Variants in DOCK9 observed in about 807,000 individuals in gnomAD.
The protein encoded by DOCK9 is dedicator of cytokinesis 9.
Under a neutral mutation model 263.3 loss-of-function variants are expected in DOCK9, and 89 were observed. That is an observed-to-expected ratio of 0.34 (90% CI 0.28 to 0.40). DOCK9 has a LOEUF of 0.40. Ranked by LOEUF, DOCK9 falls within the 10% of genes least tolerant of loss-of-function variation. The pLI is 1.00. For missense variants in DOCK9, 2,140 were observed against 2,603.4 expected, an observed-to-expected ratio of 0.82 and a Z score of 3.87; for synonymous variants, 976 against 973.1, an observed-to-expected ratio of 1.00 and a Z score of -0.06.
intron 1 of DOCK9, among the ~76,000 whole-genome samples, chr13:99,050,020 T>C (rs1226445683): frequency 6.6e-6 from 1 of 152,192 alleles, no homozygotes; most frequent in African/African-American, 2.4e-5. Context: ...ATATGATATG[T>C]GAAAATACTG....
intron 39 of DOCK9, among the ~76,000 whole-genome samples, chr13:98,836,744 CT>C (rs34971128): frequency 0.23 from 34,389 of 152,102 alleles, 4,582 homozygotes; most frequent in East Asian, 0.43. Flanking sequence ...TCTCATTATT[CT>C]TCCTAATAAA....
At chr13:98,993,277 C>T (rs552050624) in intron 1 of DOCK9, among the ~76,000 whole-genome samples, 111 of 152,256 alleles carry the variant, frequency 7.3e-4, no homozygotes, top group African/African-American at 2.6e-3. Context: ...TTACGGACCC[C>T]GTATGAGACT....
At chr13:98,859,181 G>A (rs544825196) in intron 33 of DOCK9, 2 of 152,412 alleles carry the variant, frequency 1.3e-5, no homozygotes, top group East Asian at 3.9e-4. Flanking sequence ...TTCTGGAGCA[G>A]TGGCTGGGAA....
chr13:98,898,028 C>T, intron 14 of DOCK9, 151 bp downstream of exon 14: 1 of 632,218 alleles, frequency 1.6e-6, no homozygotes, highest in Admixed American at 2.9e-5. Flanking sequence ...TGTGACTCTA[C>T]CAAATGATTT....
At chr13:98,869,322 G>T (rs1315675463) in intron 27 of DOCK9, among the ~76,000 whole-genome samples, 1 of 152,096 alleles carries the variant, frequency 6.6e-6, no homozygotes, top group African/African-American at 2.4e-5. Flanking sequence ...TTCAATTCTT[G>T]TAATACCCCT....
At chr13:99,046,087 T>G (rs1888978418) in intron 1 of DOCK9, among the ~76,000 whole-genome samples, 2 of 140,780 alleles carry the variant, frequency 1.4e-5, no homozygotes, top group Admixed American at 7.1e-5. Context: ...GGTGACAGAG[T>G]GAGACTCAGT....
intron 7 of DOCK9, among the ~76,000 whole-genome samples, chr13:98,917,618 C>T (rs1437532869): frequency 1.4e-5 from 2 of 147,348 alleles, no homozygotes; most frequent in Non-Finnish European, 3.0e-5. Flanking sequence ...CCCAAATATA[C>T]TTTCATGTAT....
intron 33 of DOCK9, chr13:98,858,032 T>C (rs2093750640): frequency 6.6e-6 from 1 of 152,008 alleles, no homozygotes; most frequent in Non-Finnish European, 1.5e-5. Context: ...TAAAGTAAAA[T>C]TAGGCCCTAA....
At chr13:99,081,955 G>T (rs1395274873) in intron 1 of DOCK9, among the ~76,000 whole-genome samples, 2 of 152,092 alleles carry the variant, frequency 1.3e-5, no homozygotes, top group Admixed American at 1.3e-4. Context: ...AGCAGCTTAG[G>T]GCTGGGTATG....
intron 7 of DOCK9, 67 bp downstream of exon 7, chr13:98,920,887 T>C: frequency 6.9e-7 from 1 of 1,450,498 alleles, no homozygotes; most frequent in Non-Finnish European, 9.2e-7. Context: ...TGCTTAAATC[T>C]GCTAATTTAC....
intron 1 of DOCK9, among the ~76,000 whole-genome samples, chr13:99,011,816 CT>C (rs1424480964): frequency 1.3e-5 from 2 of 152,130 alleles, no homozygotes; most frequent in East Asian, 1.9e-4. Context: ...TATCAGCATT[CT>C]TTTTTTGTTT....
At chr13:99,074,974 G>A (rs1664213727) in intron 1 of DOCK9, among the ~76,000 whole-genome samples, 1 of 152,196 alleles carries the variant, frequency 6.6e-6, no homozygotes, top group Admixed American at 6.5e-5. Context: ...AATCATTACA[G>A]TAGTACAATA....
intron 1 of DOCK9, among the ~76,000 whole-genome samples, chr13:99,053,867 C>T (rs1218677229): frequency 6.6e-6 from 1 of 152,164 alleles, no homozygotes; most frequent in African/African-American, 2.4e-5. Flanking sequence ...CCTCCTACTC[C>T]CAAGAAAACA....
intron 1 of DOCK9, among the ~76,000 whole-genome samples, chr13:98,970,732 G>C (rs1219182051): frequency 6.6e-6 from 1 of 152,114 alleles, no homozygotes; most frequent in Admixed American, 6.6e-5. Context: ...CACATTACAG[G>C]GTATTTCAAA....
At chr13:98,925,714 T>C (rs1453926912) in intron 4 of DOCK9, 123 bp downstream of exon 4, 8 of 607,210 alleles carry the variant, frequency 1.3e-5, no homozygotes, top group Admixed American at 7.0e-5. Context: ...TTACACCACA[T>C]ACACATAAAC....
intron 41 of DOCK9, among the ~76,000 whole-genome samples, chr13:98,830,556 C>G (rs2092718615): frequency 6.6e-6 from 1 of 152,250 alleles, no homozygotes; most frequent in South Asian, 2.1e-4. Context: ...AGGAACATCT[C>G]TAGTTCCCCA....
intron 1 of DOCK9, among the ~76,000 whole-genome samples, chr13:99,076,635 A>G (rs1434735565): frequency 3.9e-5 from 6 of 152,298 alleles, no homozygotes; most frequent in Non-Finnish European, 7.4e-5. Context: ...CAGGAGGTAA[A>G]CTGGGATGAA....
At chr13:98,993,914 A>G (rs764032954) in intron 1 of DOCK9, among the ~76,000 whole-genome samples, 4 of 152,192 alleles carry the variant, frequency 2.6e-5, no homozygotes, top group Non-Finnish European at 5.9e-5. Flanking sequence ...TACTTCAAAG[A>G]GAAAAAAATA....
chr13:99,002,141 A>T (rs186820581), intron 1 of DOCK9, among the ~76,000 whole-genome samples: 2 of 152,262 alleles, frequency 1.3e-5, no homozygotes, highest in East Asian at 3.9e-4. Flanking sequence ...GTAAAAAGTA[A>T]ATCTATAAAA....
Sources: allele counts gnomAD v4.1 joint callset (sites outside exome capture counted in the v4.1 genomes callset), GRCh38; gene constraint gnomAD v4.1.1; transcripts MANE v1.5; gene names NCBI Gene and HGNC (gene_info 2026-07-23, HGNC 2026-07-21).